The following MARCHF4 variants were observed in gnomAD, a reference collection of about 807,000 sequenced individuals.
The protein encoded by MARCHF4 is E3 ubiquitin-protein ligase MARCHF4.
A neutral mutation model predicts 43.9 loss-of-function variants in MARCHF4; 14 were observed. The ratio of observed to expected loss-of-function variants is 0.32; its 90% CI spans 0.21 to 0.50. MARCHF4 has a LOEUF of 0.50. MARCHF4 is among the 20% of genes least tolerant of loss of function. The pLI is 0.98. For synonymous variants in MARCHF4, 226 were observed against 213.3 expected (o/e 1.06, Z -0.52); for missense variants, 468 against 536.7 (o/e 0.87, Z 1.27).
Position 216,304,253 on chromosome 2 carries a change from G to C in MARCHF4, c.517-20524C>G, listed in dbSNP as rs572902943. 3.9e-5 allele frequency among the ~76,000 whole-genome samples: 6 copies of C among 152,178 alleles called. No individual in the cohort carries two copies. In the South Asian group the frequency reaches 1.2e-3, roughly 32 times the overall value. On this transcript the variant is annotated intron_variant, in intron 1 of 3. Transcript: ENST00000273067. ...TTCTAGAATGAGTTTCCTTGACATG[G>C]GGACATAAGTATTCTAGGTATTGAA... is the stretch of plus-strand genomic sequence containing the variant.
intron 3 of MARCHF4, among the ~76,000 whole-genome samples, chr2:216,260,356 G>T (rs2105929705): frequency 6.6e-6 from 1 of 152,348 alleles, no homozygotes; most frequent in Non-Finnish European, 1.5e-5. Context: ...AAACCAAAGT[G>T]ACAATTTCAG....
At chr2:216,365,378 GC>G (rs1277148952) in intron 1 of MARCHF4, among the ~76,000 whole-genome samples, 3 of 152,192 alleles carry the variant, frequency 2.0e-5, no homozygotes, top group Admixed American at 6.5e-5. Flanking sequence ...AGAACAGGTG[GC>G]CTCCCACCCT....
chr2:216,285,015 A>T (rs1227543031), intron 1 of MARCHF4, among the ~76,000 whole-genome samples: 2 of 152,182 alleles, frequency 1.3e-5, no homozygotes, highest in East Asian at 1.9e-4. Context: ...GCACATCATT[A>T]TGAGGATCTA....
At chr2:216,288,520 T>C (rs982778030) in intron 1 of MARCHF4, among the ~76,000 whole-genome samples, 1 of 152,144 alleles carries the variant, frequency 6.6e-6, no homozygotes, top group Non-Finnish European at 1.5e-5. Flanking sequence ...TCTAAGAGAC[T>C]CTGCCCTCCT....
intron 3 of MARCHF4, among the ~76,000 whole-genome samples, chr2:216,274,182 C>G (rs17822450): frequency 1.3e-5 from 2 of 152,070 alleles, no homozygotes; most frequent in Non-Finnish European, 2.9e-5. Flanking sequence ...GGTTGTGGGT[C>G]TCATCTTCTT....
intron 1 of MARCHF4, among the ~76,000 whole-genome samples, chr2:216,309,778 C>G (rs1691653686): frequency 6.6e-6 from 1 of 152,224 alleles, no homozygotes. Flanking sequence ...TCAGCTGTAA[C>G]CACATGCAGC....
intron 1 of MARCHF4, among the ~76,000 whole-genome samples, chr2:216,357,147 C>T (rs1372206621): frequency 6.6e-6 from 1 of 152,202 alleles, no homozygotes; most frequent in African/African-American, 2.4e-5. Context: ...AACATTGATA[C>T]AAGACTATTA....
chr2:216,342,528 G>A (rs1692253478), intron 1 of MARCHF4, among the ~76,000 whole-genome samples: 2 of 152,148 alleles, frequency 1.3e-5, no homozygotes, highest in African/African-American at 4.8e-5. Flanking sequence ...GGTTGCTAGG[G>A]GTGGCTGAGA....
intron 3 of MARCHF4, among the ~76,000 whole-genome samples, chr2:216,269,642 C>T (rs1392420387): frequency 6.8e-6 from 1 of 146,662 alleles, no homozygotes; most frequent in African/African-American, 2.5e-5. Context: ...CGCTTCCTAC[C>T]TGGTCCCTGA....
At chr2:216,279,026 C>T (rs1691080549) in intron 2 of MARCHF4, among the ~76,000 whole-genome samples, 1 of 152,200 alleles carries the variant, frequency 6.6e-6, no homozygotes. Flanking sequence ...AAGGTGCCTG[C>T]CCCTGTGGAG....
At chr2:216,345,848 A>G (rs1692311380) in intron 1 of MARCHF4, among the ~76,000 whole-genome samples, 1 of 152,208 alleles carries the variant, frequency 6.6e-6, no homozygotes, top group South Asian at 2.1e-4. Flanking sequence ...GAGAAGCTCT[A>G]TGCTAGAGAA....
At chr2:216,269,600 G>A (rs1481585735) in intron 3 of MARCHF4, among the ~76,000 whole-genome samples, 2 of 152,178 alleles carry the variant, frequency 1.3e-5, no homozygotes, top group Non-Finnish European at 2.9e-5. Flanking sequence ...TTTCTTGAGT[G>A]TTCCCTCTGA....
At chr2:216,294,454 C>T (rs545387249) in intron 1 of MARCHF4, among the ~76,000 whole-genome samples, 4 of 152,326 alleles carry the variant, frequency 2.6e-5, no homozygotes, top group African/African-American at 4.8e-5. Flanking sequence ...ACTAATGTTC[C>T]GGATCATGGC....
At chr2:216,287,585 C>T (rs1284322630) in intron 1 of MARCHF4, among the ~76,000 whole-genome samples, 2 of 136,568 alleles carry the variant, frequency 1.5e-5, no homozygotes, top group Non-Finnish European at 3.0e-5. Flanking sequence ...GTTCAATTCC[C>T]AATGAGAACA....
intron 1 of MARCHF4, among the ~76,000 whole-genome samples, chr2:216,300,968 C>A (rs1453731161): frequency 6.6e-6 from 1 of 152,122 alleles, no homozygotes; most frequent in African/African-American, 2.4e-5. Flanking sequence ...AATGAGAAAC[C>A]CCCATTTCCT....
intron 3 of MARCHF4, among the ~76,000 whole-genome samples, chr2:216,272,685 CG>C (rs1690959105): frequency 6.6e-6 from 1 of 152,286 alleles, no homozygotes; most frequent in Middle Eastern, 3.4e-3. Flanking sequence ...TGGGGCTAAT[CG>C]GTTTCTCTCT....
chr2:216,316,546 C>A (rs1303241065), intron 1 of MARCHF4, among the ~76,000 whole-genome samples: 2 of 152,016 alleles, frequency 1.3e-5, no homozygotes, highest in African/African-American at 4.8e-5. Context: ...GTCCACAGTC[C>A]TGGGAAATGG....
At chr2:216,350,890 G>A (rs1309630947) in intron 1 of MARCHF4, among the ~76,000 whole-genome samples, 1 of 152,100 alleles carries the variant, frequency 6.6e-6, no homozygotes, top group Non-Finnish European at 1.5e-5. Flanking sequence ...GCACATCACA[G>A]GTACTTGAAA....
At chr2:216,264,424 C>A (rs1264108258) in intron 3 of MARCHF4, among the ~76,000 whole-genome samples, 1 of 152,244 alleles carries the variant, frequency 6.6e-6, no homozygotes, top group Non-Finnish European at 1.5e-5. Flanking sequence ...GTTGTACCAA[C>A]TCCCATCATC....
Sources: gnomAD v4.1 joint callset for allele counts (sites outside exome capture counted in the v4.1 genomes callset) on GRCh38, gnomAD v4.1.1 for gene constraint, MANE v1.5 for transcripts, NCBI Gene and HGNC (gene_info 2026-07-23, HGNC 2026-07-21) for gene names.